RANBP2: variants seen among roughly 807,000 people sequenced by gnomAD.
RANBP2 encodes RAN binding protein 2, also known as E3 SUMO-protein ligase RanBP2.
A neutral mutation model predicts 303.6 loss-of-function variants in RANBP2; 57 were observed. That is an observed-to-expected ratio of 0.19 (90% CI 0.15 to 0.23). The LOEUF (loss-of-function observed/expected upper bound fraction) is 0.23, where lower values mean the gene tolerates loss of function less well. Among genes scored for constraint, RANBP2 ranks in the 10% least tolerant of loss-of-function variants. RANBP2 has a pLI of 1.00. For missense variants in RANBP2, 3,138 were observed against 3,780.8 expected, an observed-to-expected ratio of 0.83 and a Z score of 4.46; for synonymous variants, 1,167 against 1,301.5, an observed-to-expected ratio of 0.90 and a Z score of 2.23.
At chr2:109,602,450 T>A in the RANBP2 span, among the ~76,000 whole-genome samples, 1 of 151,718 alleles carries the variant, frequency 6.6e-6, no homozygotes, top group African/African-American at 2.4e-5. Flanking sequence ...CCAAGGCGGG[T>A]GGATCACCTG....
chr2:108,904,394 CGG>C, the RANBP2 span, among the ~76,000 whole-genome samples: 1 of 152,154 alleles, frequency 6.6e-6, no homozygotes, highest in Non-Finnish European at 1.5e-5. Context: ...CTTTAGAAAA[CGG>C]TTTGGCAGTT....
chr2:109,048,508 A>G, the RANBP2 span, among the ~76,000 whole-genome samples: 1 of 152,246 alleles, frequency 6.6e-6, no homozygotes, highest in African/African-American at 2.4e-5. Flanking sequence ...CTGGGTCACC[A>G]TAACAATATC....
the RANBP2 span, among the ~76,000 whole-genome samples, chr2:108,927,417 C>T: frequency 6.6e-6 from 1 of 152,222 alleles, no homozygotes; most frequent in Non-Finnish European, 1.5e-5. Flanking sequence ...GCAGGGAGCT[C>T]ACCACCCTTC....
chr2:109,232,285 G>A, the RANBP2 span, among the ~76,000 whole-genome samples: 3 of 152,210 alleles, frequency 2.0e-5, no homozygotes, highest in African/African-American at 7.2e-5. Flanking sequence ...ACTATGAACT[G>A]TCTTTTTGAC....
the RANBP2 span, among the ~76,000 whole-genome samples, chr2:109,317,008 C>T: frequency 6.6e-6 from 1 of 152,072 alleles, no homozygotes; most frequent in Non-Finnish European, 1.5e-5. Context: ...CTGAATAACA[C>T]TCCATTGTCT....
the RANBP2 span, chr2:109,544,304 C>A: frequency 6.3e-7 from 1 of 1,591,886 alleles, no homozygotes. Flanking sequence ...TCTGGAACTT[C>A]TGTTTTACAA....
rs550091716 is a variant in RANBP2, at chr2:108,757,755, A to G, written c.2467-658A>G. Among the ~76,000 whole-genome samples, 8 of 152,284 alleles carry G rather than the reference A, an allele frequency of 5.3e-5. No homozygotes were observed. The East Asian group carries it at 7.7e-4, about 15-fold the overall frequency. ...TTGAGGAAAGAAGTTTAGTTTGTAGATACTTGTTTTTTTGAGCAGGGAATT... is the reference window on the plus strand; with the variant it reads ...TTGAGGAAAGAAGTTTAGTTTGTAGGTACTTGTTTTTTTGAGCAGGGAATT... On this transcript the variant is annotated intron_variant, in intron 17 of 28. Transcript: ENST00000283195.
At chr2:109,614,668 T>G in the RANBP2 span, 1 of 1,482,176 alleles carries the variant, frequency 6.7e-7, no homozygotes, top group Non-Finnish European at 8.9e-7. Context: ...AAGGAGCTGG[T>G]GAACGCCGTG....
chr2:109,386,770 C>G, the RANBP2 span, among the ~76,000 whole-genome samples: 1 of 152,168 alleles, frequency 6.6e-6, no homozygotes, highest in Non-Finnish European at 1.5e-5. Context: ...GAAGAGGAAA[C>G]CTTTGCTAGA....
chr2:109,317,663 C>G, the RANBP2 span, among the ~76,000 whole-genome samples: 2 of 152,188 alleles, frequency 1.3e-5, no homozygotes, highest in African/African-American at 2.4e-5. Flanking sequence ...TAAATGACTT[C>G]AGGTACATAA....
At chr2:108,884,613 T>C in the RANBP2 span, 182 of 152,284 alleles carry the variant, frequency 1.2e-3, no homozygotes, top group African/African-American at 4.3e-3. Flanking sequence ...AAGCTCCACA[T>C]AATAAACATC....
chr2:108,928,183 G>C, the RANBP2 span, among the ~76,000 whole-genome samples: 1 of 152,238 alleles, frequency 6.6e-6, no homozygotes, highest in South Asian at 2.1e-4. Flanking sequence ...TGGCCACAGG[G>C]ACCCAATCAG....
At chr2:108,737,735 A>G in intron 6 of RANBP2, among the ~76,000 whole-genome samples, 1 of 133,288 alleles carries the variant, frequency 7.5e-6, no homozygotes, top group African/African-American at 2.9e-5. Flanking sequence ...TTTTTTTGAG[A>G]CAGAGTCTCG....
At chr2:108,986,985 G>A in the RANBP2 span, among the ~76,000 whole-genome samples, 1 of 152,130 alleles carries the variant, frequency 6.6e-6, no homozygotes, top group African/African-American at 2.4e-5. Context: ...CAGCATCAAA[G>A]GAACGAGCAG....
the RANBP2 span, among the ~76,000 whole-genome samples, chr2:109,425,880 A>C: frequency 6.6e-6 from 1 of 152,164 alleles, no homozygotes; most frequent in East Asian, 1.9e-4. Flanking sequence ...TTAAAAGTAC[A>C]TCTTTTTCTT....
the RANBP2 span, among the ~76,000 whole-genome samples, chr2:108,807,529 T>C: frequency 6.6e-6 from 1 of 152,214 alleles, no homozygotes; most frequent in Admixed American, 6.5e-5. Context: ...TCTCTTTATC[T>C]ATGTGAAAAT....
At chr2:108,824,610 A>G in the RANBP2 span, among the ~76,000 whole-genome samples, 3 of 152,232 alleles carry the variant, frequency 2.0e-5, no homozygotes, top group African/African-American at 7.2e-5. Flanking sequence ...TTTTTAAAAA[A>G]ATAACTGTAA....
At chr2:109,088,700 C>T in the RANBP2 span, among the ~76,000 whole-genome samples, 80,556 of 151,748 alleles carry the variant, frequency 0.53, 22,462 homozygotes, top group South Asian at 0.66. Flanking sequence ...TTAGAAGAGA[C>T]GGGGTTTCAC....
At chr2:109,282,731 C>T in the RANBP2 span, among the ~76,000 whole-genome samples, 1 of 152,190 alleles carries the variant, frequency 6.6e-6, no homozygotes, top group South Asian at 2.1e-4. Context: ...GGCTTTGTTT[C>T]ATAGTTTAGT....
Sources: gnomAD v4.1 joint callset for allele counts (sites outside exome capture counted in the v4.1 genomes callset) on GRCh38, gnomAD v4.1.1 for gene constraint, MANE v1.5 for transcripts, NCBI Gene and HGNC (gene_info 2026-07-23, HGNC 2026-07-21) for gene names.